NEK11: variants seen among roughly 807,000 people sequenced by gnomAD.
NEK11 encodes the protein NIMA related kinase 11.
A neutral mutation model predicts 80.7 loss-of-function variants in NEK11; 72 were observed. The observed-to-expected ratio is 0.89, with a 90% CI of 0.74 to 1.08. The LOEUF (loss-of-function observed/expected upper bound fraction) is 1.08. NEK11 is among the 50% of genes least tolerant of loss of function. The probability of loss-of-function intolerance (pLI) is 0.00; values close to 1 mark genes in which losing one functional copy is unlikely to be tolerated. For synonymous variants in NEK11, 251 were observed against 260.7 expected (o/e 0.96, Z 0.36); for missense variants, 764 against 763.6 (o/e 1.00, Z -0.01).
intron 3 of NEK11, among the ~76,000 whole-genome samples, chr3:131,071,588 TG>T (rs1268052036): frequency 1.6e-4 from 25 of 152,156 alleles, no homozygotes; most frequent in Admixed American, 3.3e-4. Context: ...TGAATTCTGA[TG>T]TTTTTAAATA....
intron 16 of NEK11, among the ~76,000 whole-genome samples, chr3:131,249,037 T>A (rs1464647029): frequency 5.9e-5 from 9 of 151,540 alleles, no homozygotes; most frequent in African/African-American, 2.2e-4. Flanking sequence ...GAAATGAGCA[T>A]TAGAATCATG....
At chr3:131,200,866 G>A (rs1005493492) in intron 14 of NEK11, among the ~76,000 whole-genome samples, 2 of 152,182 alleles carry the variant, frequency 1.3e-5, no homozygotes, top group African/African-American at 4.8e-5. Flanking sequence ...TTTCTGTGCT[G>A]CGAGCAGCAG....
intron 17 of NEK11, among the ~76,000 whole-genome samples, chr3:131,280,488 A>G (rs1425493207): frequency 6.6e-6 from 1 of 152,068 alleles, no homozygotes; most frequent in Non-Finnish European, 1.5e-5. Context: ...AATCTCATTC[A>G]GTGTATGTTT....
At position 131,164,376 on chromosome 3, in the gene NEK11, C is replaced by A. The variant is rs186979101; in HGVS notation, c.1083-1050C>A. Among the ~76,000 whole-genome samples the A allele has an allele frequency of 9.1e-4, 139 of 152,264 alleles. 1 individual carries two copies. Among genetic ancestry groups the A allele is most frequent in the African/African-American group, 3.1e-3 (130 of 41,550 alleles). On this transcript the variant is annotated intron_variant, in intron 11 of 17. Coordinates refer to ENST00000383366, the MANE Select transcript of NEK11 (RefSeq NM_024800.5). ...CCAATACAAGTTGGATTCTGCAAAC[C>A]ACTATGACATTGAGTGTGAGTTTTA...
intron 5 of NEK11, among the ~76,000 whole-genome samples, chr3:131,110,944 GA>G (rs1560452075): frequency 6.6e-6 from 1 of 152,006 alleles, no homozygotes; most frequent in African/African-American, 2.4e-5. Flanking sequence ...TTTATTAAAA[GA>G]TTATTTGACT....
At chr3:131,133,098 G>A in intron 6 of NEK11, 1 of 347,388 alleles carries the variant, frequency 2.9e-6, no homozygotes, top group Non-Finnish European at 5.4e-6. Flanking sequence ...TGAGTTCCCT[G>A]TTTCATGCCA....
At chr3:131,296,809 C>G (rs186009599) in intron 17 of NEK11, among the ~76,000 whole-genome samples, 26 of 151,962 alleles carry the variant, frequency 1.7e-4, no homozygotes, top group African/African-American at 6.3e-4. Context: ...TATCCCTCCC[C>G]ACTCCCCCCA....
chr3:131,300,417 C>T (rs767461265), intron 17 of NEK11, among the ~76,000 whole-genome samples: 23 of 152,032 alleles, frequency 1.5e-4, no homozygotes, highest in Non-Finnish European at 2.8e-4. Flanking sequence ...GTTTTTATTG[C>T]AATTACTTTT....
intron 17 of NEK11, among the ~76,000 whole-genome samples, chr3:131,339,405 C>T (rs1042172916): frequency 2.6e-5 from 4 of 152,200 alleles, no homozygotes; most frequent in African/African-American, 9.6e-5. Flanking sequence ...GTGAAAGTCA[C>T]TCACCCAGTG....
chr3:131,333,398 T>C (rs1355313888), intron 17 of NEK11, among the ~76,000 whole-genome samples: 2 of 152,046 alleles, frequency 1.3e-5, no homozygotes, highest in Non-Finnish European at 2.9e-5. Context: ...AATAAAATAC[T>C]TTACAGACAA....
rs774958201 is a variant in NEK11, at chr3:131,132,748, G to A, written c.459G>A (p.Arg153=). Residue 153 remains arginine, a synonymous_variant, in exon 6 of 18, where the codon AGG becomes AGA. Transcript: ENST00000383366. ...LLGVDYMHER[R]ILHRDLKSKN... ...ATATCTTTTTTGCCTTTTGTAGGAGGATACTTCATCGAGACTTAAAGTCAA... is the reference window on the plus strand; with the variant it reads ...ATATCTTTTTTGCCTTTTGTAGGAGAATACTTCATCGAGACTTAAAGTCAA... 2.0e-6 allele frequency: 3 copies of A among 1,511,330 alleles called. No homozygotes were observed. The allele number at this position is 1,511,330 out of a possible 1,614,324, so 93.6% of individuals were successfully genotyped here. A position where few individuals can be genotyped will look rare whatever the true frequency, so the allele number is the denominator to read the frequency against.
chr3:131,062,115 G>A (rs1488862066), intron 3 of NEK11, among the ~76,000 whole-genome samples: 1 of 152,236 alleles, frequency 6.6e-6, no homozygotes, highest in African/African-American at 2.4e-5. Context: ...TTTAGGGGAA[G>A]AGCTGAGGCA....
At chr3:131,207,087 T>C (rs1189869703) in intron 14 of NEK11, among the ~76,000 whole-genome samples, 6 of 152,252 alleles carry the variant, frequency 3.9e-5, no homozygotes, top group Non-Finnish European at 2.9e-5. Context: ...TTGGGTTGGT[T>C]CCAAGTCTTT....
chr3:131,314,483 G>A (rs2096816372), intron 17 of NEK11, among the ~76,000 whole-genome samples: 1 of 152,204 alleles, frequency 6.6e-6, no homozygotes. Flanking sequence ...TGTAGGATAA[G>A]TCTTTTTCTC....
chr3:131,265,965 T>G (rs1381295795), intron 16 of NEK11, among the ~76,000 whole-genome samples: 1 of 152,210 alleles, frequency 6.6e-6, no homozygotes, highest in Admixed American at 6.5e-5. Flanking sequence ...GTCCAGGAAT[T>G]TATCCATTTC....
intron 17 of NEK11, among the ~76,000 whole-genome samples, chr3:131,307,810 T>C (rs2096737631): frequency 6.6e-6 from 1 of 152,222 alleles, no homozygotes; most frequent in South Asian, 2.1e-4. Flanking sequence ...TGAACTGCAG[T>C]GTGAATTTTG....
intron 4 of NEK11, among the ~76,000 whole-genome samples, chr3:131,089,272 G>A (rs553279904): frequency 6.6e-6 from 1 of 152,272 alleles, no homozygotes; most frequent in South Asian, 2.1e-4. Context: ...AGTTATTGTT[G>A]CTAATGTCTA....
rs370284363 is a variant in NEK11 at position 131,109,792 on chromosome 3, C to G, written c.337-11C>G. ...CTGAAAAAATATGAAAGATTATGCT[C>G]TTCATTTCAGGGCCGAGATCTGGAC... On this transcript the variant is annotated splice_polypyrimidine_tract_variant and intron_variant, in intron 4 of 17. Transcript: ENST00000383366. 1.3e-6 allele frequency: 2 copies of G among 1,575,930 alleles called. No individual in the cohort carries two copies. Among genetic ancestry groups the G allele is most frequent in the Non-Finnish European group, 1.7e-6 (2 of 1,168,250 alleles).
At chr3:131,335,646 G>C (rs2097169287) in intron 17 of NEK11, among the ~76,000 whole-genome samples, 1 of 151,968 alleles carries the variant, frequency 6.6e-6, no homozygotes, top group Non-Finnish European at 1.5e-5. Flanking sequence ...GGAAATAAAG[G>C]GTATTCAATT....
Sources: allele counts gnomAD v4.1 joint callset (sites outside exome capture counted in the v4.1 genomes callset), GRCh38; gene constraint gnomAD v4.1.1; transcripts MANE v1.5; gene names NCBI Gene and HGNC (gene_info 2026-07-23, HGNC 2026-07-21).